The following IPCEF1 variants were observed in gnomAD, a reference collection of about 807,000 sequenced individuals.
IPCEF1 encodes interactor protein for cytohesin exchange factors 1.
In IPCEF1, 31 loss-of-function variants were observed where a neutral mutation model predicts 50.9. The ratio of observed to expected loss-of-function variants is 0.61; its 90% CI spans 0.46 to 0.82. The LOEUF (loss-of-function observed/expected upper bound fraction) is 0.82. Among genes scored for constraint, IPCEF1 ranks in the 40% least tolerant of loss-of-function variants. The pLI is 0.00. For missense variants in IPCEF1, 458 were observed against 514.0 expected (o/e 0.89, Z 1.05); for synonymous variants, 181 against 192.0 (o/e 0.94, Z 0.47).
Position 154,335,977 on chromosome 6 carries a change from C to T in IPCEF1, c.-62+20695G>A, listed in dbSNP as rs531095719. 1.4e-4 allele frequency among the ~76,000 whole-genome samples: 21 copies of T among 152,160 alleles called. No individual in the cohort carries two copies. The South Asian group carries it at 2.9e-3, about 21-fold the overall frequency. ...GGAAAAAACTGCAATGAAATATCAT[C>T]GCATGCCAGTTAGAATGGCTATTAT... On this transcript the variant is annotated intron_variant, in intron 1 of 11. Coordinates refer to ENST00000367220, the MANE Select transcript of IPCEF1 (RefSeq NM_001130700.2).
At chr6:154,181,866 G>T (rs1800906279) in intron 10 of IPCEF1, among the ~76,000 whole-genome samples, 1 of 152,126 alleles carries the variant, frequency 6.6e-6, no homozygotes, top group African/African-American at 2.4e-5. Context: ...AAAGCAGAAG[G>T]TAATAATCAT....
chr6:154,329,035 C>T (rs1250341782), intron 1 of IPCEF1, among the ~76,000 whole-genome samples: 5 of 151,984 alleles, frequency 3.3e-5, no homozygotes, highest in African/African-American at 1.2e-4. Context: ...TAAAAGATGG[C>T]AGAAAAAAAT....
At chr6:154,255,643 G>C (rs1471512008) in intron 3 of IPCEF1, among the ~76,000 whole-genome samples, 1 of 151,964 alleles carries the variant, frequency 6.6e-6, no homozygotes, top group Non-Finnish European at 1.5e-5. Context: ...CTCTTCTTTT[G>C]GGAGTACTGT....
At chr6:154,180,364 TGAGCTAG>T (rs1415052005) in intron 10 of IPCEF1, among the ~76,000 whole-genome samples, 3 of 140,260 alleles carry the variant, frequency 2.1e-5, no homozygotes, top group Admixed American at 1.4e-4. Context: ...ATATATATAC[TGAGCTAG>T]TTTAACAACA....
intron 11 of IPCEF1, among the ~76,000 whole-genome samples, chr6:154,161,649 A>G (rs1361407657): frequency 6.6e-6 from 1 of 152,152 alleles, no homozygotes; most frequent in Non-Finnish European, 1.5e-5. Context: ...GCCCTCTGAG[A>G]ACTTACCGAG....
chr6:154,203,174 C>T (rs1275116154), intron 9 of IPCEF1, among the ~76,000 whole-genome samples: 1 of 152,186 alleles, frequency 6.6e-6, no homozygotes, highest in Admixed American at 6.5e-5. Context: ...AAGCTCCCCA[C>T]TGAAGATCAA....
At chr6:154,223,078 C>A in intron 6 of IPCEF1, 92 bp downstream of exon 6, 1 of 987,030 alleles carries the variant, frequency 1.0e-6, no homozygotes, top group Non-Finnish European at 1.6e-6. Flanking sequence ...ATGTTACCTT[C>A]ACTCACTTCT....
chr6:154,225,964 G>A (rs1306497280), intron 5 of IPCEF1, among the ~76,000 whole-genome samples: 2 of 152,130 alleles, frequency 1.3e-5, no homozygotes, highest in Non-Finnish European at 2.9e-5. Flanking sequence ...TCTAAGTGAC[G>A]CTGTAGCTGC....
At chr6:154,291,929 C>T (rs939130685) in intron 1 of IPCEF1, among the ~76,000 whole-genome samples, 6 of 152,006 alleles carry the variant, frequency 3.9e-5, no homozygotes, top group Non-Finnish European at 7.4e-5. Flanking sequence ...GTGATCCACC[C>T]GCCTCGGCCT....
At chr6:154,310,839 G>A (rs1783059545) in intron 1 of IPCEF1, among the ~76,000 whole-genome samples, 1 of 152,116 alleles carries the variant, frequency 6.6e-6, no homozygotes, top group Non-Finnish European at 1.5e-5. Flanking sequence ...GGATTACTAG[G>A]GGCTGGGGAT....
intron 2 of IPCEF1, among the ~76,000 whole-genome samples, chr6:154,272,136 C>A (rs933045063): frequency 1.3e-5 from 2 of 152,116 alleles, no homozygotes; most frequent in African/African-American, 4.8e-5. Context: ...TAATAATAAC[C>A]AACTCATAAG....
Position 154,199,752 on chromosome 6 carries a change from T to C in IPCEF1, c.826A>G (p.Ser276Gly), listed in dbSNP as rs1376993133. 6.2e-7 allele frequency: 1 copy of C among 1,614,244 alleles called. No homozygotes were observed. Among genetic ancestry groups the C allele is most frequent in the Non-Finnish European group, 8.5e-7 (1 of 1,180,032 alleles). The change falls in exon 10 of 12, where the codon AGT becomes GGT. Residue 276 changes from serine to glycine, a missense_variant. Ser to Gly is a moderately conservative substitution (Grantham distance 56). Transcript: ENST00000367220. The stretch of plus-strand genomic sequence containing the variant: ...CTACTCAATGAAGAAGTATCATCAC[T>C]AGATAAAGAGTTCAAAAATCCACTT... ...SESGFLNSLS[S>G]DDTSSLSSNH...
chr6:154,262,633 T>C (rs1265864902), intron 3 of IPCEF1, among the ~76,000 whole-genome samples: 3 of 152,212 alleles, frequency 2.0e-5, no homozygotes, highest in Non-Finnish European at 4.4e-5. Flanking sequence ...AGTTGGAAGA[T>C]TACATCCTTT....
rs114673892 is a variant in IPCEF1, at chr6:154,305,567, A to G, written c.-61-15811T>C. Among the ~76,000 whole-genome samples the G allele has an allele frequency of 2.6e-3, 402 of 152,316 alleles. 1 individual carries two copies. The highest frequency in any genetic ancestry group is 9.4e-3 in the African/African-American group (391 of 41,560). ...CTGGGCTTTCCTTTTCAACCACTGAAACTACCCCCAGTGTGATGGTTAATA... is the reference window on the plus strand; with the variant it reads ...CTGGGCTTTCCTTTTCAACCACTGAGACTACCCCCAGTGTGATGGTTAATA... On this transcript the variant is annotated intron_variant, in intron 1 of 11. Coordinates refer to ENST00000367220, the MANE Select transcript of IPCEF1 (RefSeq NM_001130700.2).
intron 1 of IPCEF1, among the ~76,000 whole-genome samples, chr6:154,337,603 A>C (rs897699005): frequency 3.9e-5 from 6 of 152,206 alleles, no homozygotes; most frequent in Non-Finnish European, 8.8e-5. Context: ...ATTATGAAAA[A>C]AGAGGCACAG....
intron 3 of IPCEF1, chr6:154,247,750 G>A (rs1027876212): frequency 1.6e-5 from 6 of 374,698 alleles, no homozygotes; most frequent in South Asian, 1.9e-4. Context: ...CCCACAAGCC[G>A]CTCTCACTAC....
In IPCEF1 at chr6:154,193,639, T is replaced by A. The variant is rs1473505958; in HGVS notation, c.910+6029A>T. ...GGATTTAATCAACAACAAGAAGTTA[T>A]AAGAAAGAGAAGAAAAATTGAAGAC... On this transcript the variant is annotated intron_variant, in intron 10 of 11. Coordinates refer to ENST00000367220, the MANE Select transcript of IPCEF1 (RefSeq NM_001130700.2). Among the ~76,000 whole-genome samples the A allele has an allele frequency of 2.0e-5, 3 of 152,138 alleles. No homozygotes were observed. The East Asian group carries it at 5.8e-4, about 29-fold the overall frequency.
chr6:154,343,407 G>A (rs754070508), intron 1 of IPCEF1, among the ~76,000 whole-genome samples: 22 of 152,194 alleles, frequency 1.4e-4, no homozygotes, highest in Non-Finnish European at 2.5e-4. Flanking sequence ...TTAACATCAT[G>A]CTTTGCCTAC....
chr6:154,227,119 G>T lies in IPCEF1; in HGVS notation c.247-3876C>A, dbSNP rs150732050. Among the ~76,000 whole-genome samples, 813 of 152,140 alleles carry T rather than the reference G, an allele frequency of 5.3e-3. 7 individuals are homozygous for T. The highest frequency in any genetic ancestry group is 8.6e-3 in the Non-Finnish European group (583 of 67,992). Reference sequence around the variant, plus strand: ...AGGCTGAGGCTGAGGCAGGAGAATCGCTTGAACCTGGGAGGCAGAGGTTGC... The same window carrying T: ...AGGCTGAGGCTGAGGCAGGAGAATCTCTTGAACCTGGGAGGCAGAGGTTGC... On this transcript the variant is annotated intron_variant, in intron 5 of 11. Transcript: ENST00000367220.
Sources: gnomAD v4.1 joint callset for allele counts (sites outside exome capture counted in the v4.1 genomes callset) on GRCh38, gnomAD v4.1.1 for gene constraint, MANE v1.5 for transcripts, NCBI Gene and HGNC (gene_info 2026-07-23, HGNC 2026-07-21) for gene names.